VPS13B: variants seen among roughly 807,000 people sequenced by gnomAD.
VPS13B encodes the protein intermembrane lipid transfer protein VPS13B.
In VPS13B, 285 loss-of-function variants were observed where a neutral mutation model predicts 426.4. The ratio of observed to expected loss-of-function variants is 0.67; its 90% confidence interval spans 0.61 to 0.74. The LOEUF is 0.74. Among genes scored for constraint, VPS13B ranks in the 30% least tolerant of loss-of-function variants. The pLI, the probability that VPS13B is intolerant of heterozygous loss-of-function variation, is 0.00. For missense variants in VPS13B, 4,537 were observed against 4,782.6 expected, an observed-to-expected ratio of 0.95 and a Z score of 1.51; for synonymous variants, 1,676 against 1,676.4, an observed-to-expected ratio of 1.00 and a Z score of 0.01.
intron 20 of VPS13B, among the ~76,000 whole-genome samples, chr8:99,387,472 C>G (rs1814190331): frequency 6.6e-6 from 1 of 152,138 alleles, no homozygotes; most frequent in Non-Finnish European, 1.5e-5. Context: ...ATCTACCCAC[C>G]TAAGCCTCCC....
At position 99,585,546 on chromosome 8, in the gene VPS13B, C is replaced by T. The variant is rs537819685; in HGVS notation, c.5220+7913C>T. Reference sequence around the variant, plus strand: ...GGTTTAATATCTGAAAATCAATTAACGTAAAGCACTATATCGGTAGAATTT... The same window carrying T: ...GGTTTAATATCTGAAAATCAATTAATGTAAAGCACTATATCGGTAGAATTT... On this transcript the variant is annotated intron_variant, in intron 33 of 61. Coordinates refer to ENST00000357162, the MANE Select transcript of VPS13B (RefSeq NM_152564.5). Among the ~76,000 whole-genome samples, 9 of 152,120 alleles carry T rather than the reference C, an allele frequency of 5.9e-5. No homozygotes were observed. The South Asian group carries it at 6.2e-4, about 11-fold the overall frequency.
intron 39 of VPS13B, among the ~76,000 whole-genome samples, chr8:99,738,026 C>CTA (rs902859824): frequency 6.6e-6 from 1 of 152,184 alleles, no homozygotes; most frequent in Non-Finnish European, 1.5e-5. Flanking sequence ...GGGAGTCTCA[C>CTA]TATATATAAG....
Position 99,853,776 on chromosome 8 carries a change from C to T in VPS13B, c.10387C>T (p.Leu3463Phe), listed in dbSNP as rs765040372. 1.2e-6 allele frequency: 2 copies of T among 1,614,096 alleles called. No individual in the cohort carries two copies. Among genetic ancestry groups the T allele is most frequent in the African/African-American group, 2.7e-5 (2 of 74,932 alleles). ...TCAGTGTTCCAAAATGCAGAGTCTC[C>T]TCATATCCAACAAAGAGTTGGAAGA... ...PIQCSKMQSL[L>F]ISNKELEEYK... is the part of the protein sequence containing the mutation. The change falls in exon 56 of 62, where the codon CTC (leucine) becomes TTC (phenylalanine). Residue 3463 changes from leucine to phenylalanine, a missense_variant. Physicochemically the swap from Leu to Phe is conservative, Grantham distance 22. Coordinates refer to ENST00000357162, the MANE Select transcript of VPS13B (RefSeq NM_152564.5).
chr8:99,368,046 A>C (rs1812986663), intron 19 of VPS13B, among the ~76,000 whole-genome samples: 1 of 152,242 alleles, frequency 6.6e-6, no homozygotes, highest in Non-Finnish European at 1.5e-5. Flanking sequence ...ATTATTGGGA[A>C]AGAAAGAGAA....
In VPS13B at chr8:99,854,184, A is replaced by G. The variant is rs1225418115; in HGVS notation, c.10795A>G (p.Ile3599Val). 11 of 1,613,748 alleles carry G rather than the reference A, an allele frequency of 6.8e-6. No individual in the cohort carries two copies. Among genetic ancestry groups the G allele is most frequent in the African/African-American group, 1.3e-5 (1 of 74,856 alleles). Residue 3599 changes from isoleucine to valine, a missense_variant, in exon 56 of 62, where the codon ATC (isoleucine) becomes GTC (valine). By Grantham distance (29) the Ile-to-Val change is conservative. Transcript: ENST00000357162. Reference sequence around the variant, plus strand: ...CTTCTCGGTGTTTGAAAGAGGACCCATCTTCACCACTGCGAGGCAGCTTGT... The same window carrying G: ...CTTCTCGGTGTTTGAAAGAGGACCCGTCTTCACCACTGCGAGGCAGCTTGT... ...LSFSVFERGP[I>V]FTTARQLVHA...
intron 19 of VPS13B, among the ~76,000 whole-genome samples, chr8:99,304,834 A>C (rs1820553599): frequency 6.6e-6 from 1 of 152,114 alleles, no homozygotes; most frequent in Non-Finnish European, 1.5e-5. Flanking sequence ...TGTAAGACAG[A>C]TGTGATCTTT....
chr8:99,791,582 C>T (rs993455696), intron 43 of VPS13B, among the ~76,000 whole-genome samples: 1 of 151,968 alleles, frequency 6.6e-6, no homozygotes, highest in Non-Finnish European at 1.5e-5. Flanking sequence ...ACAGAGACTA[C>T]TATGGTCACT....
rs540424966 is a variant in VPS13B, at chr8:99,776,601, G to A, written c.7248-174G>A. Among the ~76,000 whole-genome samples, 18 of 152,176 alleles carry A rather than the reference G, an allele frequency of 1.2e-4. No homozygotes were observed. In the East Asian group the frequency reaches 1.7e-3, roughly 15 times the overall value. ...TGAGCCACTGCACCTGGCCAAACAC[G>A]AGCTTAATTTTAAAAAATAGCTAAT... On this transcript the variant is annotated intron_variant, in intron 40 of 61. Transcript: ENST00000357162.
At chr8:99,043,027 A>G (rs935919867) in intron 3 of VPS13B, among the ~76,000 whole-genome samples, 3 of 152,192 alleles carry the variant, frequency 2.0e-5, no homozygotes, top group African/African-American at 7.2e-5. Flanking sequence ...TATTTTTTCC[A>G]CTGTAGAGCA....
At chr8:99,119,593 C>T (rs939668563) in intron 7 of VPS13B, 3 of 152,054 alleles carry the variant, frequency 2.0e-5, no homozygotes, top group African/African-American at 7.2e-5. Flanking sequence ...TTCTGAACTA[C>T]AATGGCTTAA....
chr8:99,850,931 A>C (rs983513281), intron 55 of VPS13B, among the ~76,000 whole-genome samples: 2 of 152,236 alleles, frequency 1.3e-5, no homozygotes, highest in Admixed American at 1.3e-4. Context: ...ATCTTGGAAA[A>C]AAAACAAAAC....
At chr8:99,626,134 A>G (rs762377909) in intron 33 of VPS13B, among the ~76,000 whole-genome samples, 1 of 152,258 alleles carries the variant, frequency 6.6e-6, no homozygotes, top group Non-Finnish European at 1.5e-5. Flanking sequence ...TGTCCAACAC[A>G]ATAACTTGTA....
chr8:99,219,334 T>C (rs1003626972), intron 17 of VPS13B, among the ~76,000 whole-genome samples: 1 of 152,200 alleles, frequency 6.6e-6, no homozygotes, highest in African/African-American at 2.4e-5. Flanking sequence ...TTCAGTTTAG[T>C]TGAATGATCA....
At chr8:99,032,248 C>G (rs1842539144) in intron 2 of VPS13B, among the ~76,000 whole-genome samples, 1 of 152,164 alleles carries the variant, frequency 6.6e-6, no homozygotes, top group Non-Finnish European at 1.5e-5. Flanking sequence ...CCCATAGACA[C>G]TAAACTCAAA....
At position 99,590,721 on chromosome 8, in the gene VPS13B, T is replaced by C. The variant is rs192408357; in HGVS notation, c.5220+13088T>C. On this transcript the variant is annotated intron_variant, in intron 33 of 61. Coordinates refer to ENST00000357162, the MANE Select transcript of VPS13B (RefSeq NM_152564.5). ...AGAAACAGTTTGTTGTGATTTCTGT[T>C]CTTTTACATTTGCTGAGGGGTGCTT... 4.6e-5 allele frequency among the ~76,000 whole-genome samples: 7 copies of C among 152,320 alleles called. No homozygotes were observed. The East Asian group carries it at 9.6e-4, about 21-fold the overall frequency.
intron 17 of VPS13B, among the ~76,000 whole-genome samples, chr8:99,211,530 G>A (rs1420899589): frequency 2.6e-5 from 4 of 152,180 alleles, no homozygotes; most frequent in African/African-American, 9.7e-5. Context: ...GGAAAGGAGA[G>A]TTGTTAGGTA....
chr8:99,604,504 T>G (rs1461615897), intron 33 of VPS13B, among the ~76,000 whole-genome samples: 2 of 142,070 alleles, frequency 1.4e-5, no homozygotes, highest in African/African-American at 5.2e-5. Context: ...TGTTTTTTTT[T>G]TTTTTTTTTT....
chr8:99,374,964 G>T (rs1813403965), intron 19 of VPS13B, among the ~76,000 whole-genome samples: 1 of 152,112 alleles, frequency 6.6e-6, no homozygotes, highest in Non-Finnish European at 1.5e-5. Flanking sequence ...TCAGTTTAAG[G>T]TTTAGAGTAC....
At chr8:99,530,654 G>T (rs1401699646) in intron 30 of VPS13B, among the ~76,000 whole-genome samples, 1 of 151,674 alleles carries the variant, frequency 6.6e-6, no homozygotes, top group Non-Finnish European at 1.5e-5. Flanking sequence ...AGTAGTAGCA[G>T]CAGCAGTAAT....
Sources: allele counts gnomAD v4.1 joint callset (sites outside exome capture counted in the v4.1 genomes callset), GRCh38; gene constraint gnomAD v4.1.1; transcripts MANE v1.5; gene names NCBI Gene and HGNC (gene_info 2026-07-23, HGNC 2026-07-21).